DPEP3: variants seen among roughly 807,000 people sequenced by gnomAD.
DPEP3 encodes dipeptidase 3, also known as membrane-bound dipeptidase 3.
Under a neutral mutation model 47.5 loss-of-function variants are expected in DPEP3, and 42 were observed. The observed-to-expected ratio is 0.88, with a 90% confidence interval of 0.69 to 1.14. The LOEUF (loss-of-function observed/expected upper bound fraction) is 1.14, where lower values mean the gene tolerates loss of function less well. Ranked by LOEUF, DPEP3 falls within the 50% of genes most tolerant of loss-of-function variation. The probability of loss-of-function intolerance (pLI) is 0.00; values close to 1 mark genes in which losing one functional copy is unlikely to be tolerated. For missense variants in DPEP3, 560 were observed against 635.0 expected (o/e 0.88, Z 1.27); for synonymous variants, 276 against 270.2 (o/e 1.02, Z -0.21).
At position 67,977,255 on chromosome 16, in the gene DPEP3, TGAG is replaced by T; in HGVS notation, c.1018+12_1018+14del. On this transcript the variant is annotated intron_variant, in intron 7 of 9. Transcript: ENST00000268793. The stretch of plus-strand genomic sequence containing the variant: ...AGCCCAAGCCAGCACTGCACAAAGC[TGAG>T]GTGGGACTTACCTGCCACAGTGGAC... 6.2e-7 allele frequency: 1 copy of T among 1,612,862 alleles called. No homozygotes were observed. Among genetic ancestry groups the T allele is most frequent in the South Asian group, 1.1e-5 (1 of 90,950 alleles).
chr16:67,977,885 C>T, intron 5 of DPEP3, 53 bp downstream of exon 5: 1 of 1,613,858 alleles, frequency 6.2e-7, no homozygotes, highest in Non-Finnish European at 8.5e-7. Flanking sequence ...CAAAGGTGTA[C>T]ACACATATCC....
intron 5 of DPEP3, 33 bp from the exon 6 acceptor site, chr16:67,977,862 G>A: frequency 6.2e-7 from 1 of 1,613,706 alleles, no homozygotes; most frequent in South Asian, 1.1e-5. Context: ...TTGTGGGGGA[G>A]GGTGTTGGGG....
intron 1 of DPEP3, 30 bp downstream of exon 1, chr16:67,980,064 C>T (rs1281975535): frequency 6.3e-7 from 1 of 1,585,488 alleles, no homozygotes; most frequent in African/African-American, 1.3e-5. Flanking sequence ...TGTGCTCACC[C>T]CGCGTTGCCC....
chr16:67,979,312 GCAAA>G (rs764267917), intron 2 of DPEP3, among the ~76,000 whole-genome samples: 16 of 152,228 alleles, frequency 1.1e-4, no homozygotes, highest in Non-Finnish European at 1.8e-4. Context: ...TCTCAAAAAT[GCAAA>G]CAAACAAACA....
At position 67,978,077 on chromosome 16, in the gene DPEP3, C is replaced by T; in HGVS notation, c.687-70G>A. 6.3e-7 allele frequency: 1 copy of T among 1,594,364 alleles called. No homozygotes were observed. The highest frequency in any genetic ancestry group is 8.6e-7 in the Non-Finnish European group (1 of 1,163,344). On this transcript the variant is annotated intron_variant, in intron 4 of 9. Coordinates refer to ENST00000268793, the MANE Select transcript of DPEP3 (RefSeq NM_001370198.1). The surrounding 1 kb of genome is among the most constrained non-coding windows in gnomAD (Gnocchi z 4.4). Reference sequence around the variant, plus strand: ...GGCCATCACAGCCTGGGGGCCCTGGCTCTATCCATCCATCCTGCTTCCAGA... The same window carrying T: ...GGCCATCACAGCCTGGGGGCCCTGGTTCTATCCATCCATCCTGCTTCCAGA...
chr16:67,978,091 C>A lies in DPEP3; in HGVS notation c.687-84G>T. On this transcript the variant is annotated intron_variant, in intron 4 of 9. Coordinates refer to ENST00000268793, the MANE Select transcript of DPEP3 (RefSeq NM_001370198.1). This position sits in a 1 kb window ranked among gnomAD's most constrained non-coding sequence, Gnocchi z 4.4. ...GGGGGCCCTGGCTCTATCCATCCAT[C>A]CTGCTTCCAGAACAGGTGCAGAACC... 1.3e-6 allele frequency: 2 copies of A among 1,588,310 alleles called. No homozygotes were observed. The highest frequency in any genetic ancestry group is 1.7e-5 in the Admixed American group (1 of 59,228).
At position 67,977,662 on chromosome 16, in the gene DPEP3, C is replaced by A. The variant is rs75651517; in HGVS notation, c.924G>T (p.Leu308=). 6,630 of 1,610,908 alleles carry A rather than the reference C, an allele frequency of 4.1e-3. 70 individuals are homozygous for A. The highest frequency in any genetic ancestry group is 0.022 in the African/African-American group (1,643 of 74,974). Residue 308 remains leucine, a synonymous_variant, in exon 6 of 10, where the codon CTG becomes CTT. Transcript: ENST00000268793. ...TGGGATGGCCACTCACCAGAAGCTG[C>A]AGGATATCATCGGGAACATTCAACA... The part of the protein sequence containing the change: ...DNLLNVPDDI[L]QLLKKNGGIV...
intron 8 of DPEP3, among the ~76,000 whole-genome samples, 176 bp downstream of exon 8, chr16:67,976,524 C>A (rs1371760177): frequency 6.6e-6 from 1 of 152,178 alleles, no homozygotes; most frequent in Non-Finnish European, 1.5e-5. Context: ...GCCACTGGGC[C>A]ACTGAAGGGA....
intron 7 of DPEP3, 60 bp from the exon 8 acceptor site, chr16:67,976,835 C>T (rs2031207143): frequency 1.4e-6 from 2 of 1,430,576 alleles, no homozygotes; most frequent in Non-Finnish European, 2.0e-6. Flanking sequence ...CCAGCCCTGT[C>T]CCCAGCACTC....
chr16:67,975,951 A>G lies in DPEP3; in HGVS notation c.1281T>C (p.Tyr427=). ...AQSPVEAEFP[Y]GQLSTSCHSH... is the part of the protein sequence containing the mutation. ...AGTGGCAGGATGTGCTCAGTTGCCC[A>G]TATGGAAACTCAGCCTCCACGGGGC... Residue 427 remains tyrosine (Y), a synonymous_variant, in exon 10 of 10, where the codon TAT becomes TAC. Transcript: ENST00000268793. 6.2e-7 allele frequency: 1 copy of G among 1,613,960 alleles called. No individual in the cohort carries two copies. The highest frequency in any genetic ancestry group is 8.5e-7 in the Non-Finnish European group (1 of 1,179,894).
At position 67,976,075 on chromosome 16, in the gene DPEP3, T is replaced by C; in HGVS notation, c.1230+18A>G. ...CTTCTCAAACCACTGAACCATCCTG[T>C]CCACCAGCCCAGCTTACCTTTTCCA... is the stretch of plus-strand genomic sequence containing the variant. On this transcript the variant is annotated intron_variant, in intron 9 of 9. Coordinates refer to ENST00000268793, the MANE Select transcript of DPEP3 (RefSeq NM_001370198.1). The C allele has an allele frequency of 6.2e-7, 1 of 1,614,096 alleles. No homozygotes were observed. The highest frequency in any genetic ancestry group is 8.5e-7 in the Non-Finnish European group (1 of 1,179,968).
rs746002636 is a variant in DPEP3 at position 67,977,744 on chromosome 16, A to C, written c.842T>G (p.Val281Gly). Residue 281 changes from valine (V) to glycine (G), a missense_variant, in exon 6 of 10, where the codon GTG (valine) becomes GGG (glycine). Physicochemically the swap from Val to Gly is moderately radical, Grantham distance 109. Transcript: ENST00000268793. ...GGAGAAGATCACAGGAGCCTGAGAC[A>C]CTTCCAGGACCCTTCTTATCAAGGT... ...SDTLIRRVLEVSQAPVIFSHS... is the reference protein window; with the variant it reads ...SDTLIRRVLEGSQAPVIFSHS... 2.0e-5 allele frequency: 33 copies of C among 1,613,698 alleles called. No individual in the cohort carries two copies. Among genetic ancestry groups the C allele is most frequent in the Non-Finnish European group, 2.7e-5 (32 of 1,179,754 alleles).
intron 7 of DPEP3, 113 bp downstream of exon 7, chr16:67,977,157 C>T (rs2271296): frequency 0.02 from 17,670 of 869,168 alleles, 1,207 homozygotes; most frequent in African/African-American, 0.19. Flanking sequence ...GCCTCTGGGT[C>T]GTTGGGAGGT....
In DPEP3 at chr16:67,975,906, A is replaced by C. The variant is rs2031182416; in HGVS notation, c.1326T>G (p.Asn442Lys). 30 of 1,613,946 alleles carry C rather than the reference A, an allele frequency of 1.9e-5. No individual in the cohort carries two copies. The highest frequency in any genetic ancestry group is 2.4e-5 in the Non-Finnish European group (28 of 1,179,860). The change falls in exon 10 of 10, where the codon AAT becomes AAG. Residue 442 changes from asparagine to lysine, a missense_variant. Coordinates refer to ENST00000268793, the MANE Select transcript of DPEP3 (RefSeq NM_001370198.1). ...CCTCCAGATGAGTAGCCTGGTGTCC[A>C]TTCTGAGGCACGAGGTGGGAGTGGC... is the stretch of plus-strand genomic sequence containing the variant. ...TSCHSHLVPQNGHQATHLEVT... is the reference protein window; with the variant it reads ...TSCHSHLVPQKGHQATHLEVT...
chr16:67,976,316 G>A (rs2031195583), intron 8 of DPEP3, 88 bp from the exon 9 acceptor site: 3 of 1,544,708 alleles, frequency 1.9e-6, no homozygotes, highest in African/African-American at 1.4e-5. Context: ...TCACACAGGG[G>A]AAACTGAAGG....
In DPEP3 at chr16:67,977,819, TCTA is replaced by T; in HGVS notation, c.764_766del (p.Val255del). The T allele has an allele frequency of 6.2e-7, 1 of 1,613,938 alleles. No homozygotes were observed. Among genetic ancestry groups the T allele is most frequent in the South Asian group, 1.1e-5 (1 of 91,078 alleles). On this transcript the variant is annotated inframe_deletion, in exon 6 of 10. Coordinates refer to ENST00000268793, the MANE Select transcript of DPEP3 (RefSeq NM_001370198.1). ...CATCATGCCCAGGCGGTTCAACTCCTCTACTACTTTCTGCAGAAACAATTAGGT... is the reference window on the plus strand; with the variant it reads ...CATCATGCCCAGGCGGTTCAACTCCTCTACTTTCTGCAGAAACAATTAGGT...
chr16:67,977,122 G>A, intron 7 of DPEP3, 148 bp downstream of exon 7: 1 of 680,570 alleles, frequency 1.5e-6, no homozygotes, highest in East Asian at 2.7e-5. Flanking sequence ...CCAGATCTGG[G>A]TGGCACTGAA....
Position 67,980,424 on chromosome 16 carries a change from T to C in DPEP3, c.-44A>G, listed in dbSNP as rs750057887. ...GCGGGAGCCTGGGAGGAGCAGGCGA[T>C]GGGCAGAGGCCGACAATGGGGTCCG... On this transcript the variant is annotated 5_prime_UTR_variant, in exon 1 of 10. Coordinates refer to ENST00000268793, the MANE Select transcript of DPEP3 (RefSeq NM_001370198.1). 2 of 1,484,748 alleles carry C rather than the reference T, an allele frequency of 1.3e-6. No homozygotes were observed. The highest frequency in any genetic ancestry group is 1.8e-6 in the Non-Finnish European group (2 of 1,118,286). 92.0% of individuals were successfully genotyped at this position (1,484,748 alleles called of 1,614,324 possible).
Position 67,980,494 on chromosome 16 carries a change from G to T in DPEP3, c.-114C>A. 1 of 1,427,560 alleles carries T rather than the reference G, an allele frequency of 7.0e-7. No homozygotes were observed. Among genetic ancestry groups the T allele is most frequent in the South Asian group, 1.5e-5 (1 of 66,272 alleles). 88.4% of individuals were successfully genotyped at this position (1,427,560 alleles called of 1,614,324 possible). A position where few individuals can be genotyped will look rare whatever the true frequency, so the allele number is the denominator to read the frequency against. ...CCCGAAGAGGGGGTTGAAGTCACGC[G>T]ACTCTGAGACCGACGCGCCACGCAA... On this transcript the variant is annotated 5_prime_UTR_variant, in exon 1 of 10. Coordinates refer to ENST00000268793, the MANE Select transcript of DPEP3 (RefSeq NM_001370198.1).
Sources: gnomAD v4.1 joint callset for allele counts (sites outside exome capture counted in the v4.1 genomes callset) on GRCh38, gnomAD v4.1.1 for gene constraint, Gnocchi (gnomAD v3.1) non-coding constraint, MANE v1.5 for transcripts, NCBI Gene and HGNC (gene_info 2026-07-23, HGNC 2026-07-21) for gene names.